Variants in ADCY1 observed in about 807,000 individuals in gnomAD.
ADCY1 encodes adenylate cyclase 1.
ADCY1 carries 28 observed loss-of-function variants against 105.4 expected under a neutral mutation model. That is an observed-to-expected ratio of 0.27 (90% CI 0.20 to 0.36). The LOEUF is 0.36. ADCY1 is among the 10% of genes least tolerant of loss of function. The pLI is 1.00. For synonymous variants in ADCY1, 655 were observed against 623.8 expected (o/e 1.05, Z -0.75); for missense variants, 977 against 1,434.2 (o/e 0.68, Z 5.15).
chr7:45,654,671 T>C (rs1435388378), intron 5 of ADCY1, among the ~76,000 whole-genome samples: 1 of 152,202 alleles, frequency 6.6e-6, no homozygotes, highest in Non-Finnish European at 1.5e-5. Flanking sequence ...CTTCGTCTAA[T>C]TATTGGATTC....
At chr7:45,586,164 G>A (rs1382639248) in intron 1 of ADCY1, among the ~76,000 whole-genome samples, 1 of 152,074 alleles carries the variant, frequency 6.6e-6, no homozygotes, top group Admixed American at 6.5e-5. Context: ...CTGACCTCGC[G>A]AGTGTGCATG....
In ADCY1 at chr7:45,703,288, A is replaced by T; in HGVS notation, c.2455-88A>T. On this transcript the variant is annotated intron_variant, in intron 14 of 19. Transcript: ENST00000297323. The surrounding 1 kb of genome is among the most constrained non-coding windows in gnomAD (Gnocchi z 5.9). Reference sequence around the variant, plus strand: ...TAGACCATCAGCACACCTGGAGTCCAGTTTGGATGATTAGAAGGAAGTGTG... The same window carrying T: ...TAGACCATCAGCACACCTGGAGTCCTGTTTGGATGATTAGAAGGAAGTGTG... 7.9e-7 allele frequency: 1 copy of T among 1,269,990 alleles called. No individual in the cohort carries two copies. The highest frequency in any genetic ancestry group is 1.1e-6 in the Non-Finnish European group (1 of 871,528). The allele number at this position is 1,269,990 out of a possible 1,614,324, so 78.7% of individuals were successfully genotyped here. A position where few individuals can be genotyped will look rare whatever the true frequency, so the allele number is the denominator to read the frequency against.
chr7:45,597,030 C>T lies in ADCY1; in HGVS notation c.789+4122C>T, dbSNP rs143361857. Among the ~76,000 whole-genome samples the T allele has an allele frequency of 2.4e-3, 364 of 152,244 alleles. 2 individuals are homozygous for T. The highest frequency in any genetic ancestry group is 8.3e-3 in the African/African-American group (344 of 41,534). ...AGTAGGGAGAGCATTGTGCTCAGTTCACAAAATAGGAGTTTGGCTCAGGAG... is the reference window on the plus strand; with the variant it reads ...AGTAGGGAGAGCATTGTGCTCAGTTTACAAAATAGGAGTTTGGCTCAGGAG... On this transcript the variant is annotated intron_variant, in intron 2 of 19. Coordinates refer to ENST00000297323, the MANE Select transcript of ADCY1 (RefSeq NM_021116.4).
intron 2 of ADCY1, among the ~76,000 whole-genome samples, chr7:45,598,693 C>T (rs1793140110): frequency 6.6e-6 from 1 of 152,138 alleles, no homozygotes; most frequent in African/African-American, 2.4e-5. Context: ...AAGATTGATT[C>T]AGTAATTTAC....
Position 45,685,972 on chromosome 7 carries a change from T to C in ADCY1, c.2084T>C (p.Leu695Pro). ...SVAQGCVVGC[L>P]PWAWSSKPNS... Reference sequence around the variant, plus strand: ...CCCCTCCCTTCCCAGGTGGGCTGCCTGCCTTGGGCCTGGAGCTCCAAGCCC... The same window carrying C: ...CCCCTCCCTTCCCAGGTGGGCTGCCCGCCTTGGGCCTGGAGCTCCAAGCCC... The change falls in exon 13 of 20, where the codon CTG becomes CCG. Residue 695 changes from leucine to proline, a missense_variant. Transcript: ENST00000297323. 2 of 1,612,190 alleles carry C rather than the reference T, an allele frequency of 1.2e-6. No individual in the cohort carries two copies. The highest frequency in any genetic ancestry group is 1.7e-6 in the Non-Finnish European group (2 of 1,178,670).
rs937997708 is a variant in ADCY1 at position 45,722,049 on chromosome 7, C to T, written c.*8054C>T. The T allele has an allele frequency of 2.8e-4, 105 of 381,628 alleles. No homozygotes were observed. The highest frequency in any genetic ancestry group is 1.6e-3 in the Admixed American group (36 of 22,082). 23.6% of individuals were successfully genotyped at this position (381,628 alleles called of 1,614,324 possible). On this transcript the variant is annotated 3_prime_UTR_variant, in exon 20 of 20. Coordinates refer to ENST00000297323, the MANE Select transcript of ADCY1 (RefSeq NM_021116.4). ...TGAGGGCAGTGGGAAGCTGGCCCGA[C>T]GGCAGCCAGAACTTGTTTCTCACCT...
At chr7:45,615,664 C>G (rs117232922) in intron 3 of ADCY1, among the ~76,000 whole-genome samples, 1 of 152,006 alleles carries the variant, frequency 6.6e-6, no homozygotes, top group African/African-American at 2.4e-5. Context: ...AAAATGAAAA[C>G]ACAACATACC....
chr7:45,710,787 C>A lies in ADCY1; in HGVS notation c.3057+135C>A. ...GGCAGAAAGAGCTGCATATTTCGGT[C>A]TGTCTGCTCTGGAGGGCATCCTGGC... is the stretch of plus-strand genomic sequence containing the variant. On this transcript the variant is annotated intron_variant, in intron 19 of 19. Coordinates refer to ENST00000297323, the MANE Select transcript of ADCY1 (RefSeq NM_021116.4). The surrounding 1 kb of genome is among the most constrained non-coding windows in gnomAD (Gnocchi z 4.7). 1.6e-6 allele frequency: 2 copies of A among 1,253,384 alleles called. No homozygotes were observed. The highest frequency in any genetic ancestry group is 2.1e-6 in the Non-Finnish European group (2 of 930,516). 77.6% of individuals were successfully genotyped at this position (1,253,384 alleles called of 1,614,324 possible).
At chr7:45,593,900 A>G (rs1212120067) in intron 2 of ADCY1, among the ~76,000 whole-genome samples, 3 of 152,250 alleles carry the variant, frequency 2.0e-5, no homozygotes, top group African/African-American at 7.2e-5. Context: ...ATTGCCGTCT[A>G]TGTGAACACG....
chr7:45,708,290 C>A lies in ADCY1; in HGVS notation c.2818-60C>A. The stretch of plus-strand genomic sequence containing the variant: ...CAGCTGTTGGGCACTGCAGGTTGGT[C>A]CCTGGCCCCCTCTTGCCTTGCACTC... On this transcript the variant is annotated intron_variant, in intron 17 of 19. Coordinates refer to ENST00000297323, the MANE Select transcript of ADCY1 (RefSeq NM_021116.4). This position sits in a 1 kb window ranked among gnomAD's most constrained non-coding sequence, Gnocchi z 4.7. 7.8e-7 allele frequency: 1 copy of A among 1,288,986 alleles called. No homozygotes were observed. The highest frequency in any genetic ancestry group is 1.2e-5 in the South Asian group (1 of 80,928). The allele number at this position is 1,288,986 out of a possible 1,614,324, so 79.8% of individuals were successfully genotyped here. A position where few individuals can be genotyped will look rare whatever the true frequency, so the allele number is the denominator to read the frequency against.
chr7:45,689,198 C>T (rs993427999), intron 14 of ADCY1, among the ~76,000 whole-genome samples: 7 of 151,914 alleles, frequency 4.6e-5, no homozygotes, highest in African/African-American at 9.7e-5. Flanking sequence ...CTGTGTGGTG[C>T]GCTCACTGTC....
At chr7:45,663,679 C>T (rs566324511) in intron 8 of ADCY1, among the ~76,000 whole-genome samples, 3 of 152,146 alleles carry the variant, frequency 2.0e-5, no homozygotes, top group East Asian at 1.9e-4. Context: ...ATTAGCCGGG[C>T]GTGGTGGCAC....
chr7:45,675,071 A>C (rs1237998207), intron 8 of ADCY1, among the ~76,000 whole-genome samples: 2 of 152,082 alleles, frequency 1.3e-5, no homozygotes, highest in African/African-American at 2.4e-5. Context: ...TAAGTCTGCT[A>C]TTTAACTTAT....
intron 4 of ADCY1, among the ~76,000 whole-genome samples, chr7:45,623,020 G>A (rs1467318710): frequency 2.0e-5 from 3 of 152,222 alleles, no homozygotes; most frequent in Non-Finnish European, 4.4e-5. Context: ...TTGTTGTGCA[G>A]GCCATACGTA....
At chr7:45,577,004 A>T (rs1792369325) in intron 1 of ADCY1, among the ~76,000 whole-genome samples, 1 of 152,136 alleles carries the variant, frequency 6.6e-6, no homozygotes, top group Non-Finnish European at 1.5e-5. Flanking sequence ...GAGAGGGGAG[A>T]GTCTATAAAG....
chr7:45,674,871 T>A (rs1314313581), intron 8 of ADCY1, among the ~76,000 whole-genome samples: 1 of 152,212 alleles, frequency 6.6e-6, no homozygotes, highest in Non-Finnish European at 1.5e-5. Context: ...CTACTTTCTT[T>A]AGATTAAAGT....
At chr7:45,662,506 GAGGGTAT>G (rs1178302383) in intron 8 of ADCY1, among the ~76,000 whole-genome samples, 2 of 152,168 alleles carry the variant, frequency 1.3e-5, no homozygotes, top group Non-Finnish European at 2.9e-5. Context: ...AATGGCCTCT[GAGGGTAT>G]TCATTCTGGA....
intron 7 of ADCY1, 50 bp downstream of exon 7, chr7:45,660,233 G>T (rs539553797): frequency 1.2e-6 from 2 of 1,607,104 alleles, no homozygotes. Flanking sequence ...TTCTTGGCCT[G>T]TGCAGAGCTT....
chr7:45,657,655 G>T, intron 5 of ADCY1, 72 bp from the exon 6 acceptor site: 1 of 1,506,596 alleles, frequency 6.6e-7, no homozygotes, highest in Admixed American at 2.0e-5. Context: ...CAGCCTAGCA[G>T]TGCAGACCAA....
Sources: gnomAD v4.1 joint callset for allele counts (sites outside exome capture counted in the v4.1 genomes callset) on GRCh38, gnomAD v4.1.1 for gene constraint, Gnocchi (gnomAD v3.1) non-coding constraint, MANE v1.5 for transcripts, NCBI Gene and HGNC (gene_info 2026-07-23, HGNC 2026-07-21) for gene names.